Variants in TMPRSS11A observed in about 807,000 individuals in gnomAD.
TMPRSS11A encodes the protein transmembrane protease serine 11A.
In TMPRSS11A, 53 loss-of-function variants were observed where a neutral mutation model predicts 58.9. That is an observed-to-expected ratio of 0.90 (90% CI 0.72 to 1.13). TMPRSS11A has a LOEUF of 1.13. Ranked by LOEUF, TMPRSS11A falls within the 50% of genes most tolerant of loss-of-function variation. TMPRSS11A has a pLI of 0.00. For missense variants in TMPRSS11A, 493 were observed against 499.3 expected, an observed-to-expected ratio of 0.99 and a Z score of 0.12; for synonymous variants, 167 against 169.8, an observed-to-expected ratio of 0.98 and a Z score of 0.13.
chr4:67,944,001 CT>C (rs1720940170), intron 3 of TMPRSS11A, among the ~76,000 whole-genome samples: 1 of 152,046 alleles, frequency 6.6e-6, no homozygotes, highest in South Asian at 2.1e-4. Flanking sequence ...TGGGAGCAGT[CT>C]TGCACTTTAG....
chr4:67,925,275 T>C (rs1720437686), intron 5 of TMPRSS11A, among the ~76,000 whole-genome samples: 2 of 152,156 alleles, frequency 1.3e-5, no homozygotes, highest in Non-Finnish European at 2.9e-5. Flanking sequence ...CAGTATACAA[T>C]TTTTATTTGT....
At chr4:67,958,802 C>T (rs185127592) in intron 1 of TMPRSS11A, among the ~76,000 whole-genome samples, 1 of 152,278 alleles carries the variant, frequency 6.6e-6, no homozygotes, top group East Asian at 1.9e-4. Context: ...TGAACTGTAG[C>T]TCTCACAATT....
intron 8 of TMPRSS11A, 39 bp downstream of exon 8, chr4:67,918,934 C>A: frequency 6.2e-7 from 1 of 1,608,478 alleles, no homozygotes; most frequent in South Asian, 1.1e-5. Flanking sequence ...TTGCCTTAGA[C>A]AGGGCTTAGC....
chr4:67,910,089 C>T lies in TMPRSS11A; in HGVS notation c.*1253G>A, dbSNP rs181525092. ...GCATTGCCAAGCAGAATAATTGCTT[C>T]CATAAAGCCTTAATTTAATTGTATT... On this transcript the variant is annotated 3_prime_UTR_variant, in exon 10 of 10. Transcript: ENST00000508048. 1 of 152,122 alleles carries T rather than the reference C, an allele frequency of 6.6e-6. No individual in the cohort carries two copies. Among genetic ancestry groups the T allele is most frequent in the East Asian group, 1.9e-4 (1 of 5,172 alleles). 9.4% of individuals were successfully genotyped at this position (152,122 alleles called of 1,614,324 possible).
At position 67,914,724 on chromosome 4, in the gene TMPRSS11A, G is replaced by A; in HGVS notation, c.959C>T (p.Ser320Phe). The part of the protein sequence containing the change: ...GFGALYYGGE[S>F]QNDLREARVK... ...TCTGGCTTCTCGGAGATCATTTTGG[G>A]ATTCCCCTTAAGGAAAAATAGAGTT... The change falls in exon 9 of 10, where the codon TCC becomes TTC. Residue 320 changes from serine to phenylalanine, a missense_variant. By Grantham distance (155) the Ser-to-Phe change is radical. Coordinates refer to ENST00000508048, the MANE Select transcript of TMPRSS11A (RefSeq NM_001114387.2). The A allele has an allele frequency of 6.2e-7, 1 of 1,612,182 alleles. No homozygotes were observed. Among genetic ancestry groups the A allele is most frequent in the Non-Finnish European group, 8.5e-7 (1 of 1,179,046 alleles).
chr4:67,914,444 A>G, intron 9 of TMPRSS11A, 144 bp downstream of exon 9: 1 of 666,538 alleles, frequency 1.5e-6, no homozygotes, highest in African/African-American at 1.9e-5. Flanking sequence ...ATTTAAAAGT[A>G]TTTTGTGCTG....
chr4:67,928,034 G>A (rs1035838461), intron 5 of TMPRSS11A, among the ~76,000 whole-genome samples: 7 of 152,102 alleles, frequency 4.6e-5, no homozygotes, highest in African/African-American at 7.2e-5. Flanking sequence ...AATTGGTCAG[G>A]TAACTCTTTT....
intron 5 of TMPRSS11A, among the ~76,000 whole-genome samples, chr4:67,927,593 C>G (rs1404407084): frequency 6.6e-6 from 1 of 152,204 alleles, no homozygotes; most frequent in African/African-American, 2.4e-5. Flanking sequence ...AAGGTGGGCA[C>G]AGTCTGCCAG....
At chr4:67,911,600 C>G (rs539133310) in intron 9 of TMPRSS11A, 97 bp from the exon 10 acceptor site, 132 of 929,192 alleles carry the variant, frequency 1.4e-4, no homozygotes, top group Middle Eastern at 7.1e-4. Flanking sequence ...TGTTACTAGA[C>G]AGTACATGTA....
At position 67,932,022 on chromosome 4, in the gene TMPRSS11A, A is replaced by G. The variant is rs112827609; in HGVS notation, c.291T>C (p.Asn97=). 23 of 1,605,566 alleles carry G rather than the reference A, an allele frequency of 1.4e-5. 1 individual carries two copies. The highest frequency in any genetic ancestry group is 9.4e-5 in the African/African-American group (7 of 74,854). Residue 97 remains asparagine (N), a synonymous_variant, in exon 4 of 10, where the codon AAT becomes AAC. Coordinates refer to ENST00000508048, the MANE Select transcript of TMPRSS11A (RefSeq NM_001114387.2). The part of the protein sequence containing the change: ...EIFIDSAWKK[N]YIKNQVVRLT... ...GTCTGACTACTTGGTTCTTGATATA[A>G]TTTTTCTTCCAGGCTGAATCTATAA...
chr4:67,929,826 C>A, intron 5 of TMPRSS11A, 54 bp downstream of exon 5: 1 of 1,402,062 alleles, frequency 7.1e-7, no homozygotes, highest in South Asian at 1.6e-5. Flanking sequence ...TGAGATTCGT[C>A]AAAACATGGA....
rs1386334128 is a variant in TMPRSS11A at position 67,929,959 on chromosome 4, C to A, written c.402G>T (p.Lys134Asn). ...TCTGATTTAAGATGCTTTGGATTTT[C>A]TTCTCTCTTACTGCCCTTTGTTCAG... Reference protein sequence around the residue: ...PSTEQRAVREKKIQSILNQKI... With the variant: ...PSTEQRAVRENKIQSILNQKI... The change falls in exon 5 of 10, where the codon AAG (lysine) becomes AAT (asparagine). Residue 134 changes from lysine (K) to asparagine (N), a missense_variant. By Grantham distance (94) the Lys-to-Asn change is moderately conservative. Transcript: ENST00000508048. The A allele has an allele frequency of 6.2e-7, 1 of 1,613,886 alleles. No individual in the cohort carries two copies. The highest frequency in any genetic ancestry group is 1.7e-5 in the Admixed American group (1 of 60,008).
rs548221924 is a variant in TMPRSS11A, at chr4:67,938,633, C to T, written c.252+5886G>A. On this transcript the variant is annotated intron_variant, in intron 3 of 9. Transcript: ENST00000508048. ...ATTTCATTTTTCTGCTTCTGACTAG[C>T]TAGCTATTCCAGCACCATTTATTGA... 3.3e-5 allele frequency among the ~76,000 whole-genome samples: 5 copies of T among 152,240 alleles called. No individual in the cohort carries two copies. The East Asian group carries it at 5.8e-4, about 18-fold the overall frequency.
At chr4:67,929,588 A>G (rs1577858407) in intron 5 of TMPRSS11A, among the ~76,000 whole-genome samples, 1 of 152,180 alleles carries the variant, frequency 6.6e-6, no homozygotes, top group South Asian at 2.1e-4. Flanking sequence ...TCACTTGCTT[A>G]GTCATGGAGG....
chr4:67,916,941 A>G (rs1720172771), intron 8 of TMPRSS11A, among the ~76,000 whole-genome samples: 1 of 152,204 alleles, frequency 6.6e-6, no homozygotes, highest in Admixed American at 6.5e-5. Context: ...TTCTTCAGCA[A>G]ACTAAACTGG....
At chr4:67,934,500 C>G (rs1193435633) in intron 3 of TMPRSS11A, among the ~76,000 whole-genome samples, 1 of 152,156 alleles carries the variant, frequency 6.6e-6, no homozygotes, top group East Asian at 1.9e-4. Flanking sequence ...CTATTGTTAT[C>G]TATACAACCT....
intron 7 of TMPRSS11A, among the ~76,000 whole-genome samples, chr4:67,920,549 A>ATATTTT (rs371252656): frequency 3.1e-4 from 41 of 130,896 alleles, no homozygotes; most frequent in Admixed American, 9.0e-4. Flanking sequence ...ATATATATAT[A>ATATTTT]TTTTTTTTTA....
At position 67,954,315 on chromosome 4, in the gene TMPRSS11A, C is replaced by A. The variant is rs181708557; in HGVS notation, c.12-7744G>T. Among the ~76,000 whole-genome samples, 9 of 152,344 alleles carry A rather than the reference C, an allele frequency of 5.9e-5. No individual in the cohort carries two copies. In the East Asian group the frequency reaches 1.2e-3, roughly 20 times the overall value. The stretch of plus-strand genomic sequence containing the variant: ...TGTACTTCATCCCCATGGAGGGATA[C>A]TTCAATCCCCTGCCACTTCAGGACA... On this transcript the variant is annotated intron_variant, in intron 1 of 9. Coordinates refer to ENST00000508048, the MANE Select transcript of TMPRSS11A (RefSeq NM_001114387.2).
chr4:67,918,100 T>A (rs990502442), intron 8 of TMPRSS11A, among the ~76,000 whole-genome samples: 2 of 152,230 alleles, frequency 1.3e-5, no homozygotes, highest in Non-Finnish European at 2.9e-5. Flanking sequence ...AAAAGCTTAT[T>A]CTTTATAATT....
Sources: allele counts gnomAD v4.1 joint callset (sites outside exome capture counted in the v4.1 genomes callset), GRCh38; gene constraint gnomAD v4.1.1; transcripts MANE v1.5; gene names NCBI Gene and HGNC (gene_info 2026-07-23, HGNC 2026-07-21).